The following STOML3 variants were observed in gnomAD, a reference collection of about 807,000 sequenced individuals.
STOML3 encodes stomatin like 3.
A neutral mutation model predicts 29.5 loss-of-function variants in STOML3; 31 were observed. The observed-to-expected ratio is 1.05, with a 90% CI of 0.79 to 1.42. STOML3 has a LOEUF of 1.42. STOML3 is among the 40% of genes most tolerant of loss of function. The probability of loss-of-function intolerance (pLI) is 0.00; values close to 1 mark genes in which losing one functional copy is unlikely to be tolerated. For synonymous variants in STOML3, 122 were observed against 139.8 expected (o/e 0.87, Z 0.90); for missense variants, 380 against 363.0 (o/e 1.05, Z -0.38).
intron 4 of STOML3, among the ~76,000 whole-genome samples, chr13:38,971,796 G>A (rs1880877568): frequency 6.6e-6 from 1 of 152,022 alleles, no homozygotes; most frequent in South Asian, 2.1e-4. Flanking sequence ...GTGGTGACAG[G>A]CACCTGTAAT....
chr13:38,985,907 C>CTTTTTTTTTTTTTTTTTTTT (rs1868500200), intron 1 of STOML3, among the ~76,000 whole-genome samples: 4 of 23,676 alleles, frequency 1.7e-4, no homozygotes, highest in Admixed American at 9.5e-4. Context: ...TTTTTCTTTT[C>CTTTTTTTTTTTTTTTTTTTT]TTTCTTTTTT....
chr13:38,967,084 A>G (rs373563324), intron 6 of STOML3, 35 bp from the exon 7 acceptor site: 84 of 1,585,356 alleles, frequency 5.3e-5, no homozygotes, highest in Non-Finnish European at 6.7e-5. Context: ...TCAGAAATAA[A>G]AGTTTACACT....
Position 38,967,062 on chromosome 13 carries a change from A to G in STOML3, c.652-13T>C. ...CAGCTGCAAGGACCTGAAATGACAG[A>G]AATAAAATCGTTCAGAAATAAAAGT... is the stretch of plus-strand genomic sequence containing the variant. On this transcript the variant is annotated splice_polypyrimidine_tract_variant and intron_variant, in intron 6 of 6. Transcript: ENST00000379631. The G allele has an allele frequency of 6.2e-7, 1 of 1,609,336 alleles. No individual in the cohort carries two copies. Among genetic ancestry groups the G allele is most frequent in the Non-Finnish European group, 8.5e-7 (1 of 1,177,548 alleles).
At chr13:38,969,484 C>G (rs1286092846) in intron 5 of STOML3, among the ~76,000 whole-genome samples, 1 of 152,142 alleles carries the variant, frequency 6.6e-6, no homozygotes, top group African/African-American at 2.4e-5. Flanking sequence ...ATGCAGAACT[C>G]CTACTGCCTT....
At chr13:38,982,664 G>C (rs933806590) in intron 1 of STOML3, among the ~76,000 whole-genome samples, 1 of 152,090 alleles carries the variant, frequency 6.6e-6, no homozygotes, top group Admixed American at 6.6e-5. Context: ...ACATCAAACT[G>C]GGTACTGGGT....
At chr13:38,989,413 G>C (rs989357747) in intron 1 of STOML3, among the ~76,000 whole-genome samples, 1 of 152,120 alleles carries the variant, frequency 6.6e-6, no homozygotes. Flanking sequence ...CTGCCTTCAA[G>C]CTTTTCATGC....
At chr13:38,970,868 G>A (rs990961423) in intron 4 of STOML3, among the ~76,000 whole-genome samples, 2 of 152,110 alleles carry the variant, frequency 1.3e-5, no homozygotes, top group African/African-American at 4.8e-5. Flanking sequence ...TCTATGGAGA[G>A]GCTCAGCATC....
intron 1 of STOML3, among the ~76,000 whole-genome samples, chr13:38,988,637 T>C (rs1279197237): frequency 7.7e-6 from 1 of 129,516 alleles, no homozygotes; most frequent in East Asian, 2.1e-4. Flanking sequence ...TATTATATTT[T>C]ATATCATATA....
At chr13:38,982,200 G>A (rs1448563852) in intron 1 of STOML3, among the ~76,000 whole-genome samples, 1 of 151,544 alleles carries the variant, frequency 6.6e-6, no homozygotes, top group East Asian at 1.9e-4. Flanking sequence ...GCTTCTTCCT[G>A]ACCCTAGGCC....
intron 1 of STOML3, among the ~76,000 whole-genome samples, chr13:38,984,135 G>A (rs184007139): frequency 5.8e-4 from 89 of 152,152 alleles, no homozygotes; most frequent in African/African-American, 1.8e-3. Flanking sequence ...TCCTACATTC[G>A]TCATTTGTTT....
chr13:38,986,440 G>A (rs1167187208), intron 1 of STOML3, among the ~76,000 whole-genome samples: 1 of 152,084 alleles, frequency 6.6e-6, no homozygotes, highest in Admixed American at 6.6e-5. Context: ...GCTTCCCAGA[G>A]GAAAAATTAG....
At position 38,990,739 on chromosome 13, in the gene STOML3, T is replaced by A. The variant is rs764102409; in HGVS notation, c.-18A>T. 4.3e-6 allele frequency: 7 copies of A among 1,612,952 alleles called. No homozygotes were observed. The highest frequency in any genetic ancestry group is 5.1e-6 in the Non-Finnish European group (6 of 1,179,282). ...GAATCCATCTCATTCTTGAGAAGCTTTTATACTTGGCAATTTTTCATGGGT... is the reference window on the plus strand; with the variant it reads ...GAATCCATCTCATTCTTGAGAAGCTATTATACTTGGCAATTTTTCATGGGT... On this transcript the variant is annotated 5_prime_UTR_variant, in exon 1 of 7. Transcript: ENST00000379631.
At chr13:38,969,570 T>C (rs1014059267) in intron 5 of STOML3, among the ~76,000 whole-genome samples, 1 of 152,234 alleles carries the variant, frequency 6.6e-6, no homozygotes, top group Non-Finnish European at 1.5e-5. Context: ...AATTTCTTTA[T>C]ATAATTGACT....
In STOML3 at chr13:38,968,424, C is replaced by G; in HGVS notation, c.627G>C (p.Glu209Asp). The change falls in exon 6 of 7, where the codon GAG becomes GAC. Residue 209 changes from glutamate to aspartate, a missense_variant. Transcript: ENST00000379631. ...QLQRSMAAEAEATREARAKVL... is the reference protein window; with the variant it reads ...QLQRSMAAEADATREARAKVL... ...CCTTGGCTCTCGCTTCCCGGGTGGC[C>G]TCAGCCTCGGCTGCCATGGATCTCT... is the stretch of plus-strand genomic sequence containing the variant. 1 of 1,614,146 alleles carries G rather than the reference C, an allele frequency of 6.2e-7. No homozygotes were observed. The highest frequency in any genetic ancestry group is 1.1e-5 in the South Asian group (1 of 91,084).
chr13:38,966,875 T>C lies in STOML3; in HGVS notation c.826A>G (p.Ile276Val), dbSNP rs777227272. The change falls in exon 7 of 7, where the codon ATT (isoleucine) becomes GTT (valine). Residue 276 changes from isoleucine (I) to valine (V), a missense_variant. Ile to Val is a conservative substitution (Grantham distance 29). Transcript: ENST00000379631. The stretch of plus-strand genomic sequence containing the variant: ...TGGTTATCATAGCTGACGCCACCAA[T>C]GCCCTCTAGTATATTCATGGGCAGA... ...FPLPMNILEG[I>V]GGVSYDNHKK... is the part of the protein sequence containing the mutation. The C allele has an allele frequency of 6.2e-7, 1 of 1,613,864 alleles. No individual in the cohort carries two copies. Among genetic ancestry groups the C allele is most frequent in the Non-Finnish European group, 8.5e-7 (1 of 1,179,986 alleles).
At chr13:38,975,339 AC>A (rs1262407694) in intron 3 of STOML3, among the ~76,000 whole-genome samples, 1 of 150,808 alleles carries the variant, frequency 6.6e-6, no homozygotes, top group Non-Finnish European at 1.5e-5. Context: ...AAAAAGAAAA[AC>A]AAAAAAAAGA....
chr13:38,983,189 A>T (rs1881325829), intron 1 of STOML3, among the ~76,000 whole-genome samples: 1 of 152,154 alleles, frequency 6.6e-6, no homozygotes, highest in South Asian at 2.1e-4. Context: ...GTCACGTCAT[A>T]AAGATATACA....
chr13:38,984,747 G>A (rs894320198), intron 1 of STOML3, among the ~76,000 whole-genome samples: 1 of 152,150 alleles, frequency 6.6e-6, no homozygotes, highest in Non-Finnish European at 1.5e-5. Context: ...TATCCTCATT[G>A]TTAAGCAGTA....
At chr13:38,970,981 G>A (rs1221844326) in intron 4 of STOML3, among the ~76,000 whole-genome samples, 1 of 152,140 alleles carries the variant, frequency 6.6e-6, no homozygotes, top group East Asian at 1.9e-4. Flanking sequence ...AGCTAGAAAA[G>A]TCCCTACTGT....
Sources: gnomAD v4.1 joint callset for allele counts (sites outside exome capture counted in the v4.1 genomes callset) on GRCh38, gnomAD v4.1.1 for gene constraint, MANE v1.5 for transcripts, NCBI Gene and HGNC (gene_info 2026-07-23, HGNC 2026-07-21) for gene names.